The following UGT2A1 variants were observed in gnomAD, a reference collection of about 807,000 sequenced individuals.
UGT2A1 encodes the protein UDP-glucuronosyltransferase 2A1.
Under a neutral mutation model 45.4 loss-of-function variants are expected in UGT2A1, and 61 were observed. That is an observed-to-expected ratio of 1.34 (90% CI 1.09 to 1.66). The LOEUF (loss-of-function observed/expected upper bound fraction) is 1.66, where lower values mean the gene tolerates loss of function less well. Ranked by LOEUF, UGT2A1 falls within the 40% of genes most tolerant of loss-of-function variation. UGT2A1 has a pLI of 0.00. For synonymous variants in UGT2A1, 229 were observed against 196.2 expected (o/e 1.17, Z -1.40); for missense variants, 649 against 574.3 (o/e 1.13, Z -1.33).
chr4:69,643,182 C>A (rs1560495977), intron 2 of UGT2A1, among the ~76,000 whole-genome samples: 1 of 151,368 alleles, frequency 6.6e-6, no homozygotes, highest in East Asian at 1.9e-4. Flanking sequence ...TCTGGTGATA[C>A]AATGGCCCAA....
intron 6 of UGT2A1, 28 bp from the exon 7 acceptor site, chr4:69,589,679 TA>T: frequency 6.4e-7 from 1 of 1,567,216 alleles, no homozygotes; most frequent in Non-Finnish European, 8.7e-7. Flanking sequence ...AGGCAGAAAT[TA>T]GACAATTTTT....
At chr4:69,607,321 T>G (rs926065427) in intron 3 of UGT2A1, among the ~76,000 whole-genome samples, 32 of 151,040 alleles carry the variant, frequency 2.1e-4, no homozygotes, top group Non-Finnish European at 4.0e-4. Context: ...AATGGGGAAA[T>G]GATTCCCTAT....
intron 2 of UGT2A1, among the ~76,000 whole-genome samples, chr4:69,642,974 T>C (rs1233351104): frequency 1.3e-5 from 2 of 151,476 alleles, no homozygotes; most frequent in Non-Finnish European, 3.0e-5. Flanking sequence ...AAAAATGAAA[T>C]ACCTGGTTCC....
chr4:69,592,241 T>C (rs1043196206), intron 6 of UGT2A1, among the ~76,000 whole-genome samples: 1 of 152,144 alleles, frequency 6.6e-6, no homozygotes. Flanking sequence ...AATGAAATAT[T>C]AAAGCTATTC....
intron 6 of UGT2A1, among the ~76,000 whole-genome samples, chr4:69,592,767 A>C (rs988944594): frequency 2.2e-4 from 33 of 152,218 alleles, no homozygotes; most frequent in African/African-American, 7.9e-4. Flanking sequence ...TCCAGAAGTA[A>C]AGATAAAAAA....
At chr4:69,633,610 C>T (rs1246908506) in intron 3 of UGT2A1, among the ~76,000 whole-genome samples, 1 of 152,116 alleles carries the variant, frequency 6.6e-6, no homozygotes, top group African/African-American at 2.4e-5. Context: ...CTCCATATAG[C>T]TATAAGAATG....
At chr4:69,593,146 T>C (rs944097851) in intron 6 of UGT2A1, among the ~76,000 whole-genome samples, 4 of 152,124 alleles carry the variant, frequency 2.6e-5, no homozygotes, top group African/African-American at 9.6e-5. Context: ...TGAGTGAATA[T>C]TGCTAAACAT....
intron 3 of UGT2A1, among the ~76,000 whole-genome samples, chr4:69,613,391 A>T (rs1720183397): frequency 2.0e-5 from 3 of 151,974 alleles, no homozygotes; most frequent in Admixed American, 2.0e-4. Context: ...TCACTGTTGA[A>T]TTCTACCAAA....
In UGT2A1 at chr4:69,647,062, C is replaced by T. The variant is rs768153012; in HGVS notation, c.583G>A (p.Ala195Thr). 2.5e-6 allele frequency: 4 copies of T among 1,612,902 alleles called. No homozygotes were observed. The East Asian group carries it at 8.9e-5, about 36-fold the overall frequency. ...KVPYPPSYVP[A>T]VLSELTDQMS... ...TGGTCGGTGAGTTCTGATAAAACAG[C>T]AGGAACATAGGAAGGAGGGTATGGT... Residue 195 changes from alanine to threonine, a missense_variant, in exon 2 of 7, where the codon GCT becomes ACT. Physicochemically the swap from Ala to Thr is moderately conservative, Grantham distance 58. Transcript: ENST00000286604.
intron 3 of UGT2A1, among the ~76,000 whole-genome samples, chr4:69,600,665 G>A (rs575528714): frequency 3.5e-4 from 53 of 152,132 alleles, no homozygotes; most frequent in African/African-American, 1.2e-3. Flanking sequence ...GGTCCCATAG[G>A]CTGTACAGGA....
At chr4:69,621,948 C>A (rs1013253285) in intron 3 of UGT2A1, among the ~76,000 whole-genome samples, 1 of 151,674 alleles carries the variant, frequency 6.6e-6, no homozygotes, top group South Asian at 2.1e-4. Context: ...CAAGTTAGAG[C>A]TAAATGATGA....
chr4:69,650,558 TAAAC>T (rs1162670973), intron 1 of UGT2A1, among the ~76,000 whole-genome samples: 1 of 151,868 alleles, frequency 6.6e-6, no homozygotes, highest in Non-Finnish European at 1.5e-5. Context: ...TAAAATAAAA[TAAAC>T]AACATATCTG....
At chr4:69,595,992 G>A (rs1466999352) in intron 4 of UGT2A1, among the ~76,000 whole-genome samples, 4 of 152,236 alleles carry the variant, frequency 2.6e-5, no homozygotes, top group African/African-American at 7.2e-5. Context: ...GGGGCTTAAA[G>A]TTTTCATTTC....
At chr4:69,627,303 A>C (rs1398436925) in intron 3 of UGT2A1, among the ~76,000 whole-genome samples, 3 of 152,034 alleles carry the variant, frequency 2.0e-5, no homozygotes, top group East Asian at 3.9e-4. Context: ...TTATGGAAAA[A>C]TATTTGTCTT....
intron 3 of UGT2A1, among the ~76,000 whole-genome samples, chr4:69,623,986 A>G (rs1720899118): frequency 6.6e-6 from 1 of 151,654 alleles, no homozygotes; most frequent in Non-Finnish European, 1.5e-5. Context: ...AAAAACATGT[A>G]ATTTTCACAA....
chr4:69,612,812 G>A (rs1280076215), intron 3 of UGT2A1, among the ~76,000 whole-genome samples: 1 of 151,310 alleles, frequency 6.6e-6, no homozygotes, highest in Non-Finnish European at 1.5e-5. Flanking sequence ...ATTGACATCA[G>A]CCATGGCAAA....
Position 69,589,016 on chromosome 4 carries a change from C to A in UGT2A1, c.*356G>T. 5.6e-6 allele frequency: 1 copy of A among 178,560 alleles called. No individual in the cohort carries two copies. The highest frequency in any genetic ancestry group is 1.2e-5 in the Non-Finnish European group (1 of 83,128). 11.1% of individuals were successfully genotyped at this position (178,560 alleles called of 1,614,324 possible). A position where few individuals can be genotyped will look rare whatever the true frequency, so the allele number is the denominator to read the frequency against. ...ATTCCATCTACACTGTATGCATTAC[C>A]AGGATTCAGCATATTGTTAATCATT... On this transcript the variant is annotated 3_prime_UTR_variant, in exon 7 of 7. Coordinates refer to ENST00000286604, the MANE Select transcript of UGT2A1 (RefSeq NM_001252275.3).
chr4:69,631,316 T>G (rs968451092), intron 3 of UGT2A1, among the ~76,000 whole-genome samples: 1 of 53,156 alleles, frequency 1.9e-5, no homozygotes. Flanking sequence ...TACTTAATTT[T>G]TATGTTTTTA....
Position 69,647,506 on chromosome 4 carries a change from C to T in UGT2A1, c.139G>A (p.Glu47Lys). The part of the protein sequence containing the change: ...KIIIDELIKK[E>K]HNVTVLVASG... Reference sequence around the variant, plus strand: ...GCAACTAGGACAGTCACATTATGCTCCTTTTTAATGAGCTCATCTATAATT... The same window carrying T: ...GCAACTAGGACAGTCACATTATGCTTCTTTTTAATGAGCTCATCTATAATT... Residue 47 changes from glutamate (E) to lysine (K), a missense_variant, in exon 2 of 7, where the codon GAG becomes AAG. By Grantham distance (56) the Glu-to-Lys change is moderately conservative. Transcript: ENST00000286604. The T allele has an allele frequency of 6.2e-7, 1 of 1,612,968 alleles. No homozygotes were observed. Among genetic ancestry groups the T allele is most frequent in the South Asian group, 1.1e-5 (1 of 90,994 alleles).
Sources: allele counts gnomAD v4.1 joint callset (sites outside exome capture counted in the v4.1 genomes callset), GRCh38; gene constraint gnomAD v4.1.1; transcripts MANE v1.5; gene names NCBI Gene and HGNC (gene_info 2026-07-23, HGNC 2026-07-21).